Variants in GPNMB observed in about 807,000 individuals in gnomAD.
GPNMB encodes the protein transmembrane glycoprotein NMB.
Under a neutral mutation model 57.3 loss-of-function variants are expected in GPNMB, and 71 were observed. The ratio of observed to expected loss-of-function variants is 1.24; its 90% confidence interval spans 1.02 to 1.51. GPNMB has a LOEUF of 1.51. Ranked by LOEUF, GPNMB falls within the 40% of genes most tolerant of loss-of-function variation. The pLI is 0.00. For synonymous variants in GPNMB, 253 were observed against 263.2 expected (o/e 0.96, Z 0.38); for missense variants, 677 against 691.9 (o/e 0.98, Z 0.24).
At chr7:23,266,304 C>G (rs1238721968) in intron 6 of GPNMB, 1 of 551,072 alleles carries the variant, frequency 1.8e-6, no homozygotes, top group African/African-American at 1.9e-5. Flanking sequence ...ATTATGCTTC[C>G]TTACATAATT....
chr7:23,246,958 C>T (rs1051168932), intron 1 of GPNMB, 31 bp downstream of exon 1: 1 of 1,514,452 alleles, frequency 6.6e-7, no homozygotes, highest in Non-Finnish European at 9.2e-7. Flanking sequence ...ATGTTTAACC[C>T]ATTCTCTGGC....
chr7:23,268,770 G>A (rs1409274736), intron 8 of GPNMB, among the ~76,000 whole-genome samples: 2 of 152,176 alleles, frequency 1.3e-5, no homozygotes, highest in South Asian at 4.1e-4. Context: ...GAATGAGGGT[G>A]AGGGTGGCAG....
At chr7:23,271,273 G>A (rs577470783) in intron 9 of GPNMB, among the ~76,000 whole-genome samples, 1 of 152,318 alleles carries the variant, frequency 6.6e-6, no homozygotes, top group South Asian at 2.1e-4. Flanking sequence ...CCTGCTGTGT[G>A]GCCCAGTTCC....
chr7:23,268,565 T>A (rs567424878), intron 8 of GPNMB, among the ~76,000 whole-genome samples: 1 of 152,344 alleles, frequency 6.6e-6, no homozygotes, highest in South Asian at 2.1e-4. Flanking sequence ...TATAAATGAA[T>A]GAATATATAA....
intron 4 of GPNMB, among the ~76,000 whole-genome samples, chr7:23,259,721 G>T (rs928914601): frequency 1.3e-5 from 2 of 152,084 alleles, no homozygotes; most frequent in East Asian, 1.9e-4. Flanking sequence ...TAAACTAAGG[G>T]CTAACTGTTT....
At chr7:23,258,641 T>C (rs1256725108) in intron 4 of GPNMB, among the ~76,000 whole-genome samples, 3 of 152,168 alleles carry the variant, frequency 2.0e-5, no homozygotes, top group Non-Finnish European at 4.4e-5. Context: ...CTTGAATTTC[T>C]GTCTTCCACT....
chr7:23,268,311 C>G (rs1330388407), intron 8 of GPNMB, among the ~76,000 whole-genome samples: 2 of 152,152 alleles, frequency 1.3e-5, no homozygotes, highest in African/African-American at 4.8e-5. Context: ...GTATGAGCCT[C>G]CCCATTTTGC....
chr7:23,258,425 G>C (rs17147973), intron 4 of GPNMB, among the ~76,000 whole-genome samples: 4,465 of 152,070 alleles, frequency 0.029, 200 homozygotes, highest in African/African-American at 0.096. Flanking sequence ...CTGCCATTAC[G>C]ACCCCATTAG....
At chr7:23,273,963 A>G in intron 10 of GPNMB, 102 bp from the exon 11 acceptor site, 1 of 866,944 alleles carries the variant, frequency 1.2e-6, no homozygotes, top group Non-Finnish European at 1.8e-6. Context: ...ATCATGTTAA[A>G]TGGAATGAAT....
chr7:23,262,683 A>G (rs902489938), intron 6 of GPNMB, among the ~76,000 whole-genome samples: 5 of 138,664 alleles, frequency 3.6e-5, no homozygotes, highest in Non-Finnish European at 7.5e-5. Flanking sequence ...CAGTGGCACA[A>G]TCTTGGCTCA....
chr7:23,260,241 C>T, intron 5 of GPNMB, 103 bp downstream of exon 5: 1 of 1,213,192 alleles, frequency 8.2e-7, no homozygotes, highest in Non-Finnish European at 1.2e-6. Context: ...GGTTACAATG[C>T]ATCTGGCCCA....
At chr7:23,264,504 C>A (rs1354181431) in intron 6 of GPNMB, among the ~76,000 whole-genome samples, 1 of 152,056 alleles carries the variant, frequency 6.6e-6, no homozygotes, top group African/African-American at 2.4e-5. Flanking sequence ...TCCCTAGTAG[C>A]CAGCACTACA....
chr7:23,253,339 T>A lies in GPNMB; in HGVS notation c.103T>A (p.Ser35Thr). 1 of 1,613,822 alleles carries A rather than the reference T, an allele frequency of 6.2e-7. No homozygotes were observed. The highest frequency in any genetic ancestry group is 8.5e-7 in the Non-Finnish European group (1 of 1,179,726). Reference protein sequence around the residue: ...FHDVLGNERPSAYMREHNQLN... With the variant: ...FHDVLGNERPTAYMREHNQLN... ...TGATGTGCTGGGCAATGAAAGACCT[T>A]CTGCTTACATGAGGGAGCACAATCA... The change falls in exon 2 of 11, where the codon TCT (serine) becomes ACT (threonine). Residue 35 changes from serine (S) to threonine (T), a missense_variant. By Grantham distance (58) the Ser-to-Thr change is moderately conservative. Coordinates refer to ENST00000258733, the MANE Select transcript of GPNMB (RefSeq NM_002510.3).
In GPNMB at chr7:23,266,554, T is replaced by C; in HGVS notation, c.1056T>C (p.Ile352=). 1.2e-6 allele frequency: 2 copies of C among 1,613,884 alleles called. No homozygotes were observed. The highest frequency in any genetic ancestry group is 2.2e-5 in the South Asian group (2 of 91,080). Residue 352 remains isoleucine, a synonymous_variant, in exon 7 of 11, where the codon ATT becomes ATC. Coordinates refer to ENST00000258733, the MANE Select transcript of GPNMB (RefSeq NM_002510.3). Reference sequence around the variant, plus strand: ...ACAACCCCCTGGAGCTGAGTAGGATTCCTGATGAAAACTGCCAGATTAACA... The same window carrying C: ...ACAACCCCCTGGAGCTGAGTAGGATCCCTGATGAAAACTGCCAGATTAACA... The part of the protein sequence containing the change: ...AGDNPLELSR[I]PDENCQINRY...
At position 23,260,629 on chromosome 7, in the gene GPNMB, T is replaced by C. The variant is rs1339183154; in HGVS notation, c.874T>C (p.Phe292Leu). The C allele has an allele frequency of 6.2e-7, 1 of 1,614,092 alleles. No individual in the cohort carries two copies. The highest frequency in any genetic ancestry group is 1.1e-5 in the South Asian group (1 of 91,070). Reference sequence around the variant, plus strand: ...GAGCTTCGGGGATAATACTGGCCTGTTTGTTTCCACCAATCATACTGTGAA... The same window carrying C: ...GAGCTTCGGGGATAATACTGGCCTGCTTGTTTCCACCAATCATACTGTGAA... ...KWSFGDNTGLFVSTNHTVNHT... is the reference protein window; with the variant it reads ...KWSFGDNTGLLVSTNHTVNHT... Residue 292 changes from phenylalanine to leucine, a missense_variant, in exon 6 of 11, where the codon TTT becomes CTT. Coordinates refer to ENST00000258733, the MANE Select transcript of GPNMB (RefSeq NM_002510.3).
chr7:23,248,512 G>A (rs974105305), intron 1 of GPNMB, among the ~76,000 whole-genome samples: 2 of 152,138 alleles, frequency 1.3e-5, no homozygotes, highest in African/African-American at 2.4e-5. Context: ...ATAAGGGCAG[G>A]CAGAATGTAG....
intron 9 of GPNMB, 68 bp downstream of exon 9, chr7:23,270,243 C>G: frequency 1.0e-6 from 1 of 978,412 alleles, no homozygotes; most frequent in Admixed American, 2.2e-5. Flanking sequence ...CATACTAAAG[C>G]TATTTAGGCC....
chr7:23,266,753 C>T, intron 7 of GPNMB, 138 bp downstream of exon 7: 2 of 667,682 alleles, frequency 3.0e-6, no homozygotes, highest in Non-Finnish European at 5.0e-6. Context: ...ACCACACATG[C>T]AAGAGCAAAG....
intron 9 of GPNMB, 57 bp from the exon 10 acceptor site, chr7:23,273,464 A>C: frequency 9.3e-7 from 1 of 1,075,644 alleles, no homozygotes; most frequent in Non-Finnish European, 1.4e-6. Context: ...TGGCATTATA[A>C]GCGGCATGTC....
Sources: gnomAD v4.1 joint callset for allele counts (sites outside exome capture counted in the v4.1 genomes callset) on GRCh38, gnomAD v4.1.1 for gene constraint, MANE v1.5 for transcripts, NCBI Gene and HGNC (gene_info 2026-07-23, HGNC 2026-07-21) for gene names.